Variants in PPP2R5B observed in about 807,000 individuals in gnomAD.
The protein encoded by PPP2R5B is serine/threonine-protein phosphatase 2A 56 kDa regulatory subunit beta isoform.
A neutral mutation model predicts 59.9 loss-of-function variants in PPP2R5B; 19 were observed. The ratio of observed to expected loss-of-function variants is 0.32; its 90% CI spans 0.22 to 0.47. PPP2R5B has a LOEUF of 0.47. Ranked by LOEUF, PPP2R5B falls within the 20% of genes least tolerant of loss-of-function variation. The pLI is 1.00. For synonymous variants in PPP2R5B, 286 were observed against 260.5 expected (o/e 1.10, Z -0.94); for missense variants, 441 against 640.2 (o/e 0.69, Z 3.36).
intron 6 of PPP2R5B, 99 bp from the exon 7 acceptor site, chr11:64,930,223 T>C (rs1945213522): frequency 1.5e-6 from 2 of 1,338,090 alleles, no homozygotes; most frequent in Admixed American, 3.4e-5. Flanking sequence ...GAGAGTTGGA[T>C]GAGCGTGCCG....
chr11:64,925,621 C>CCACG lies in PPP2R5B; in HGVS notation c.-113_-112insACGC. ...GCCCAGGACTGTGGTTGTGCCCCCC[C>CCACG]CCCAAAGGCCGGACAGGATGGGACC... On this transcript the variant is annotated 5_prime_UTR_variant, in exon 2 of 14. Transcript: ENST00000164133. The surrounding 1 kb of genome is among the most constrained non-coding windows in gnomAD (Gnocchi z 4.6). 1 of 549,260 alleles carries CCACG rather than the reference C, an allele frequency of 1.8e-6. No individual in the cohort carries two copies. The highest frequency in any genetic ancestry group is 2.1e-5 in the South Asian group (1 of 48,396). 34.0% of individuals were successfully genotyped at this position (549,260 alleles called of 1,614,324 possible). A position where few individuals can be genotyped will look rare whatever the true frequency, so the allele number is the denominator to read the frequency against.
chr11:64,933,652 G>A, intron 13 of PPP2R5B, 45 bp from the exon 14 acceptor site: 4 of 1,532,146 alleles, frequency 2.6e-6, no homozygotes, highest in Non-Finnish European at 3.5e-6. Context: ...AGTCTGGACT[G>A]TGGGGGGCCC....
rs1005211679 is a variant in PPP2R5B, at chr11:64,931,239, C to T, written c.892-197C>T. Among the ~76,000 whole-genome samples, 4 of 152,118 alleles carry T rather than the reference C, an allele frequency of 2.6e-5. No individual in the cohort carries two copies. The highest frequency in any genetic ancestry group is 6.6e-5 in the Admixed American group (1 of 15,266). ...GAGTTTGTTGACTGTCCCCACTCCC[C>T]GCGAGATCAGAGTTGTATTCCCAGC... On this transcript the variant is annotated intron_variant, in intron 8 of 13. Coordinates refer to ENST00000164133, the MANE Select transcript of PPP2R5B (RefSeq NM_006244.4). This position sits in a 1 kb window ranked among gnomAD's most constrained non-coding sequence, Gnocchi z 5.0.
chr11:64,933,642 A>G, intron 13 of PPP2R5B, 55 bp from the exon 14 acceptor site: 1 of 1,520,868 alleles, frequency 6.6e-7, no homozygotes, highest in East Asian at 2.5e-5. Context: ...ACTGTGAGGG[A>G]GTCTGGACTG....
Position 64,925,614 on chromosome 11 carries a change from GC to G in PPP2R5B, c.-111del, listed in dbSNP as rs56053333. 15,781 of 441,718 alleles carry G rather than the reference GC, an allele frequency of 0.036. 553 individuals are homozygous for G. The highest frequency in any genetic ancestry group is 0.16 in the African/African-American group (7,180 of 44,458). The allele number at this position is 441,718 out of a possible 1,614,324, so 27.4% of individuals were successfully genotyped here. A position where few individuals can be genotyped will look rare whatever the true frequency, so the allele number is the denominator to read the frequency against. Reference sequence around the variant, plus strand: ...GGGGGGGGCCCAGGACTGTGGTTGTGCCCCCCCCCCAAAGGCCGGACAGGAT... The same window carrying G: ...GGGGGGGGCCCAGGACTGTGGTTGTGCCCCCCCCCAAAGGCCGGACAGGAT... On this transcript the variant is annotated 5_prime_UTR_variant, in exon 2 of 14. Coordinates refer to ENST00000164133, the MANE Select transcript of PPP2R5B (RefSeq NM_006244.4). The surrounding 1 kb of genome is among the most constrained non-coding windows in gnomAD (Gnocchi z 4.6).
Position 64,925,747 on chromosome 11 carries a change from C to A in PPP2R5B, c.13C>A (p.Leu5Met). The change falls in exon 2 of 14, where the codon CTG (leucine) becomes ATG (methionine). Residue 5 changes from leucine (L) to methionine (M), a missense_variant. Leu to Met is a conservative substitution (Grantham distance 15, BLOSUM62 2). Transcript: ENST00000164133. This position sits in a 1 kb window ranked among gnomAD's most constrained non-coding sequence, Gnocchi z 4.6. ...CCGCCTGACCGCCATGGAGACGAAG[C>A]TGCCCCCTGCAAGCACCCCCACTAG... METK[L>M]PPASTPTSPS... The A allele has an allele frequency of 6.3e-7, 1 of 1,591,656 alleles. No homozygotes were observed. Among genetic ancestry groups the A allele is most frequent in the Non-Finnish European group, 8.6e-7 (1 of 1,166,192 alleles).
chr11:64,931,502 G>C lies in PPP2R5B; in HGVS notation c.945+13G>C. 1 of 1,614,032 alleles carries C rather than the reference G, an allele frequency of 6.2e-7. No homozygotes were observed. ...TCTGACAGAGCACGTGAGTACCTCT[G>C]GGGGCTAAGGCAGCCTCTCACCTCT... On this transcript the variant is annotated intron_variant, in intron 9 of 13. Transcript: ENST00000164133. This position sits in a 1 kb window ranked among gnomAD's most constrained non-coding sequence, Gnocchi z 5.0.
chr11:64,924,190 C>T (rs889698075), upstream of PPP2R5B: 2 of 152,294 alleles, frequency 1.3e-5, no homozygotes, highest in Non-Finnish European at 2.9e-5. Flanking sequence ...TCCCAGCAGG[C>T]TTGGGTGCAC....
chr11:64,925,624 C>CCCA lies in PPP2R5B; in HGVS notation c.-111_-110insCCA. The stretch of plus-strand genomic sequence containing the variant: ...CAGGACTGTGGTTGTGCCCCCCCCC[C>CCCA]AAAGGCCGGACAGGATGGGACCAAG... On this transcript the variant is annotated 5_prime_UTR_variant, in exon 2 of 14. Coordinates refer to ENST00000164133, the MANE Select transcript of PPP2R5B (RefSeq NM_006244.4). This position sits in a 1 kb window ranked among gnomAD's most constrained non-coding sequence, Gnocchi z 4.6. 7.1e-6 allele frequency: 4 copies of CCCA among 563,440 alleles called. No homozygotes were observed. The highest frequency in any genetic ancestry group is 2.0e-5 in the South Asian group (1 of 48,872). 34.9% of individuals were successfully genotyped at this position (563,440 alleles called of 1,614,324 possible).
rs1366103710 is a variant in PPP2R5B, at chr11:64,934,407, G to T, written c.*563G>T. On this transcript the variant is annotated 3_prime_UTR_variant, in exon 14 of 14. Coordinates refer to ENST00000164133, the MANE Select transcript of PPP2R5B (RefSeq NM_006244.4). The stretch of plus-strand genomic sequence containing the variant: ...TCACAGTGTCCTGGGGTAAGGGGGG[G>T]TTCACAGTAATCATGGTCTACTCCT... The T allele has an allele frequency of 5.5e-6, 2 of 362,698 alleles. No individual in the cohort carries two copies. Among genetic ancestry groups the T allele is most frequent in the Admixed American group, 4.2e-5 (1 of 23,832 alleles). 22.5% of individuals were successfully genotyped at this position (362,698 alleles called of 1,614,324 possible).
upstream of PPP2R5B, among the ~76,000 whole-genome samples, chr11:64,922,505 A>G (rs1945119043): frequency 6.6e-6 from 1 of 151,438 alleles, no homozygotes; most frequent in Admixed American, 6.6e-5. Flanking sequence ...AAACAAACAA[A>G]AAATGTTCAA....
In PPP2R5B at chr11:64,933,954, G is replaced by A. The variant is rs1266942342; in HGVS notation, c.*110G>A. ...CACCTACCCCTGGCCTTGCCAGAGT[G>A]GCTTCTGAGGACTCCCTGCCCAGCC... On this transcript the variant is annotated 3_prime_UTR_variant, in exon 14 of 14. Coordinates refer to ENST00000164133, the MANE Select transcript of PPP2R5B (RefSeq NM_006244.4). 1.5e-6 allele frequency: 2 copies of A among 1,309,146 alleles called. No homozygotes were observed. The highest frequency in any genetic ancestry group is 2.0e-6 in the Non-Finnish European group (2 of 999,432). The allele number at this position is 1,309,146 out of a possible 1,614,324, so 81.1% of individuals were successfully genotyped here.
At chr11:64,919,338 G>C (rs1446325246) in intron 1 of PPP2R5B, among the ~76,000 whole-genome samples, 1 of 32,620 alleles carries the variant, frequency 3.1e-5, no homozygotes, top group Non-Finnish European at 8.8e-5. Context: ...GCGAGATTCT[G>C]TCTCAAAAAA....
upstream of PPP2R5B, among the ~76,000 whole-genome samples, chr11:64,922,213 A>G (rs919897364): frequency 2.0e-5 from 3 of 151,990 alleles, no homozygotes; most frequent in African/African-American, 7.3e-5. Context: ...AGCCGGGTGC[A>G]ATGGCTCACT....
intron 2 of PPP2R5B, among the ~76,000 whole-genome samples, chr11:64,926,256 C>T (rs1945163027): frequency 6.6e-6 from 1 of 152,228 alleles, no homozygotes; most frequent in Non-Finnish European, 1.5e-5. Flanking sequence ...GGAGCAGGCG[C>T]TTGGCAGGGT....
rs1945217090 is a variant in PPP2R5B at position 64,930,489 on chromosome 11, A to G, written c.791A>G (p.Asn264Ser). The G allele has an allele frequency of 1.2e-6, 2 of 1,614,096 alleles. No homozygotes were observed. The highest frequency in any genetic ancestry group is 1.7e-6 in the Non-Finnish European group (2 of 1,180,022). The stretch of plus-strand genomic sequence containing the variant: ...TTCTGCCTCCTCCTCAGCATCATCA[A>G]TGGCTTTGCGCTGCCCCTGAAGACG... ...ELLEILGSII[N>S]GFALPLKTEH... Residue 264 changes from asparagine (N) to serine (S), a missense_variant, in exon 8 of 14, where the codon AAT (asparagine) becomes AGT (serine). Asn to Ser is a conservative substitution (Grantham distance 46). Transcript: ENST00000164133.
rs777294060 is a variant in PPP2R5B at position 64,927,897 on chromosome 11, C to T, written c.492C>T (p.His164=). 1 of 1,602,950 alleles carries T rather than the reference C, an allele frequency of 6.2e-7. No homozygotes were observed. The highest frequency in any genetic ancestry group is 8.5e-7 in the Non-Finnish European group (1 of 1,169,982). Residue 164 remains histidine, a synonymous_variant, in exon 4 of 14, where the codon CAC becomes CAT. Transcript: ENST00000164133. The part of the protein sequence containing the change: ...DEPNLEPSWP[H]LQLVYEFFLR... The stretch of plus-strand genomic sequence containing the variant: ...CCAATCTTGAGCCTTCGTGGCCACA[C>T]CTGCAGGTCTGAAGGGTTGGGGAAG...
In PPP2R5B at chr11:64,933,135, C is replaced by T. The variant is rs189906167; in HGVS notation, c.1245-10C>T. 9 of 1,600,104 alleles carry T rather than the reference C, an allele frequency of 5.6e-6. No homozygotes were observed. The Admixed American group carries it at 1.5e-4, about 27-fold the overall frequency. ...GTTTCATCTCCTCATCCCTCCTTGA[C>T]ACTGCCAAGAACCATCGTATCACTG... On this transcript the variant is annotated splice_polypyrimidine_tract_variant and intron_variant, in intron 12 of 13. Coordinates refer to ENST00000164133, the MANE Select transcript of PPP2R5B (RefSeq NM_006244.4).
intron 12 of PPP2R5B, 58 bp from the exon 13 acceptor site, chr11:64,933,087 G>A (rs1315651003): frequency 3.9e-6 from 6 of 1,521,630 alleles, no homozygotes; most frequent in Non-Finnish European, 5.5e-6. Context: ...GCAGGGAAAG[G>A]GAGAGGTGGG....
Sources: allele counts gnomAD v4.1 joint callset (sites outside exome capture counted in the v4.1 genomes callset), GRCh38; gene constraint gnomAD v4.1.1; non-coding constraint Gnocchi (gnomAD v3.1); transcripts MANE v1.5; gene names NCBI Gene and HGNC (gene_info 2026-07-23, HGNC 2026-07-21).